Variants in NTM observed in about 807,000 individuals in gnomAD.
NTM encodes the protein IgLON family member 2.
In NTM, 13 loss-of-function variants were observed where a neutral mutation model predicts 42.1. The ratio of observed to expected loss-of-function variants is 0.31; its 90% CI spans 0.20 to 0.49. NTM has a LOEUF of 0.49. NTM is among the 20% of genes least tolerant of loss of function. The pLI, the probability that NTM is intolerant of heterozygous loss-of-function variation, is 0.99. For synonymous variants in NTM, 187 were observed against 179.2 expected, an observed-to-expected ratio of 1.04 and a Z score of -0.35; for missense variants, 373 against 452.8, an observed-to-expected ratio of 0.82 and a Z score of 1.60.
intron 2 of NTM, among the ~76,000 whole-genome samples, chr11:132,094,727 A>G (rs1054481367): frequency 6.6e-6 from 1 of 152,146 alleles, no homozygotes; most frequent in Non-Finnish European, 1.5e-5. Flanking sequence ...TGTGGTTCCC[A>G]TGGAAACAAC....
intron 1 of NTM, among the ~76,000 whole-genome samples, chr11:131,722,658 G>A (rs2078507805): frequency 6.6e-6 from 1 of 152,184 alleles, no homozygotes; most frequent in Admixed American, 6.5e-5. Context: ...GGAACACTTG[G>A]CTCATCCGGA....
chr11:131,962,674 T>G (rs1036637070), intron 2 of NTM, among the ~76,000 whole-genome samples: 5 of 152,208 alleles, frequency 3.3e-5, no homozygotes, highest in Admixed American at 6.5e-5. Flanking sequence ...GCCAAGACAC[T>G]AATGTTTGCA....
chr11:131,828,586 C>G (rs2042422615), intron 1 of NTM, among the ~76,000 whole-genome samples: 1 of 152,116 alleles, frequency 6.6e-6, no homozygotes, highest in South Asian at 2.1e-4. Flanking sequence ...TCACAGTCAT[C>G]ACGAACATCA....
chr11:132,160,313 A>G (rs1003700070), intron 3 of NTM, among the ~76,000 whole-genome samples: 6 of 152,188 alleles, frequency 3.9e-5, no homozygotes, highest in African/African-American at 7.2e-5. Flanking sequence ...CAGCTAATGC[A>G]CCAGGAAGTG....
At chr11:131,819,287 C>T (rs1332921413) in intron 1 of NTM, among the ~76,000 whole-genome samples, 1 of 152,182 alleles carries the variant, frequency 6.6e-6, no homozygotes, top group Non-Finnish European at 1.5e-5. Flanking sequence ...TGCCACACTA[C>T]AGAAGCCTGA....
At chr11:131,493,374 G>T (rs1032247842) in intron 1 of NTM, among the ~76,000 whole-genome samples, 1 of 152,034 alleles carries the variant, frequency 6.6e-6, no homozygotes, top group Non-Finnish European at 1.5e-5. Flanking sequence ...ACTTAAAATG[G>T]CCCCAAGACC....
chr11:131,647,011 C>T (rs2065850778), intron 1 of NTM, among the ~76,000 whole-genome samples: 1 of 152,198 alleles, frequency 6.6e-6, no homozygotes, highest in Non-Finnish European at 1.5e-5. Flanking sequence ...AATGCACTGC[C>T]TTGCAGGGCT....
At chr11:132,275,702 GTATATATATA>G (rs530250021) in intron 4 of NTM, among the ~76,000 whole-genome samples, 1 of 72,034 alleles carries the variant, frequency 1.4e-5, no homozygotes, top group Non-Finnish European at 3.3e-5. Context: ...ATATATATAT[GTATATATATA>G]TGTATATATA....
At chr11:131,933,882 G>T (rs1029301567) in intron 2 of NTM, among the ~76,000 whole-genome samples, 13 of 151,444 alleles carry the variant, frequency 8.6e-5, no homozygotes, top group African/African-American at 3.2e-4. Context: ...CTTTTTTTCT[G>T]GGGGGGGATG....
intron 2 of NTM, among the ~76,000 whole-genome samples, chr11:132,050,132 A>G (rs1415089379): frequency 6.6e-6 from 1 of 152,174 alleles, no homozygotes; most frequent in African/African-American, 2.4e-5. Flanking sequence ...GTTTAGAGAG[A>G]AAATGCTGGC....
At chr11:131,822,677 G>A (rs186544588) in intron 1 of NTM, among the ~76,000 whole-genome samples, 14 of 152,248 alleles carry the variant, frequency 9.2e-5, no homozygotes, top group African/African-American at 2.9e-4. Flanking sequence ...TGTTACTTTC[G>A]TGTGTAATTC....
At chr11:131,400,315 G>T (rs1287669922) in intron 1 of NTM, among the ~76,000 whole-genome samples, 3 of 152,072 alleles carry the variant, frequency 2.0e-5, no homozygotes, top group Non-Finnish European at 2.9e-5. Flanking sequence ...GCTCTGCTGG[G>T]GCTTTTATCC....
chr11:132,222,879 T>G (rs2085455603), intron 4 of NTM, among the ~76,000 whole-genome samples: 2 of 152,232 alleles, frequency 1.3e-5, no homozygotes, highest in Admixed American at 1.3e-4. Context: ...CCTGTTTAAC[T>G]GATTTGCAGC....
At chr11:131,417,888 A>G (rs1947117599) in intron 1 of NTM, among the ~76,000 whole-genome samples, 2 of 152,170 alleles carry the variant, frequency 1.3e-5, no homozygotes, top group Admixed American at 6.5e-5. Flanking sequence ...TTGGCAGTGT[A>G]AGCATTTTGG....
At position 132,314,679 on chromosome 11, in the gene NTM, A is replaced by G; in HGVS notation, c.910A>G (p.Thr304Ala). 1 of 1,613,694 alleles carries G rather than the reference A, an allele frequency of 6.2e-7. No homozygotes were observed. The change falls in exon 7 of 9, where the codon ACC (threonine) becomes GCC (alanine). Residue 304 changes from threonine (T) to alanine (A), a missense_variant. Physicochemically the swap from Thr to Ala is moderately conservative, Grantham distance 58 (BLOSUM62 0). Transcript: ENST00000683400. ...CGTGGCCTCCAACAAGCTGGGCCACACCAATGCCAGCATCATGCTATTTGG... is the reference window on the plus strand; with the variant it reads ...CGTGGCCTCCAACAAGCTGGGCCACGCCAATGCCAGCATCATGCTATTTGG... ...TCVASNKLGH[T>A]NASIMLFEVK...
At chr11:131,989,910 G>A (rs1022505947) in intron 2 of NTM, among the ~76,000 whole-genome samples, 1 of 152,016 alleles carries the variant, frequency 6.6e-6, no homozygotes, top group African/African-American at 2.4e-5. Flanking sequence ...TTTTTCATTG[G>A]CTCAAGCAAA....
At chr11:131,404,135 A>C (rs1383036442) in intron 1 of NTM, among the ~76,000 whole-genome samples, 2 of 151,980 alleles carry the variant, frequency 1.3e-5, no homozygotes, top group East Asian at 3.9e-4. Context: ...TTCTCGGTAA[A>C]GCTTCTTACA....
chr11:131,791,606 C>G (rs1025969696), intron 1 of NTM, among the ~76,000 whole-genome samples: 5 of 152,186 alleles, frequency 3.3e-5, no homozygotes, highest in African/African-American at 1.2e-4. Flanking sequence ...ACAGCTATGA[C>G]CCTGACTTCC....
At chr11:131,403,314 C>T (rs1321825459) in intron 1 of NTM, among the ~76,000 whole-genome samples, 1 of 152,164 alleles carries the variant, frequency 6.6e-6, no homozygotes, top group African/African-American at 2.4e-5. Flanking sequence ...GTTTTTCACT[C>T]CATTCCTATT....
Sources: allele counts gnomAD v4.1 joint callset (sites outside exome capture counted in the v4.1 genomes callset), GRCh38; gene constraint gnomAD v4.1.1; transcripts MANE v1.5; gene names NCBI Gene and HGNC (gene_info 2026-07-23, HGNC 2026-07-21).